Variants in SRPX observed in about 807,000 individuals in gnomAD.
SRPX encodes the protein sushi repeat-containing protein SRPX.
In SRPX, 24 loss-of-function variants were observed where a neutral mutation model predicts 38.1. The observed-to-expected ratio is 0.63, with a 90% confidence interval of 0.46 to 0.89. The LOEUF is 0.89. SRPX is among the 40% of genes least tolerant of loss of function. SRPX has a pLI of 0.00. For synonymous variants in SRPX, 184 were observed against 153.8 expected, an observed-to-expected ratio of 1.20 and a Z score of -1.45; for missense variants, 416 against 377.8, an observed-to-expected ratio of 1.10 and a Z score of -0.84.
chrX:38,198,840 TAATA>T (rs1939049405), intron 1 of SRPX, among the ~76,000 whole-genome samples: 1 of 111,462 alleles, frequency 9.0e-6, no homozygotes, highest in Non-Finnish European at 1.9e-5. Flanking sequence ...AAGCCACTCG[TAATA>T]AATATTTTAT....
chrX:38,196,985 T>C (rs1251521260), intron 1 of SRPX, among the ~76,000 whole-genome samples: 1 of 111,788 alleles, frequency 8.9e-6, no homozygotes, highest in Non-Finnish European at 1.9e-5. Flanking sequence ...CTAAGACATG[T>C]GGACATCTAA....
At chrX:38,215,989 A>G (rs1939416912) in intron 1 of SRPX, among the ~76,000 whole-genome samples, 1 of 112,288 alleles carries the variant, frequency 8.9e-6, no homozygotes, top group African/African-American at 3.2e-5. Context: ...ATATTTTCTC[A>G]TAGAATTCAT....
rs1162310676 is a variant in SRPX at position 38,154,545 on chromosome X, C to A, written c.1128G>T (p.Val376=). 8.3e-7 allele frequency: 1 copy of A among 1,206,493 alleles called. No individual in the cohort carries two copies. The highest frequency in any genetic ancestry group is 1.1e-6 in the Non-Finnish European group (1 of 893,657). The change falls in exon 9 of 10, where the codon GTG becomes GTT. Residue 376 remains valine, a synonymous_variant. Transcript: ENST00000378533. The stretch of plus-strand genomic sequence containing the variant: ...TCGGGAACACACCCACCAGCTCCAC[C>A]ACGGTGATGTGTCGAAGATCAAGGC... The part of the protein sequence containing the change: ...QCGLDLRHIT[V]VELVGVFPTL...
At chrX:38,187,338 T>C (rs1322516433) in intron 1 of SRPX, among the ~76,000 whole-genome samples, 1 of 112,187 alleles carries the variant, frequency 8.9e-6, no homozygotes, top group East Asian at 2.8e-4. Context: ...CTAACAATCC[T>C]GTATGATTTG....
At chrX:38,195,951 C>T (rs1374461573) in intron 1 of SRPX, among the ~76,000 whole-genome samples, 5 of 111,541 alleles carry the variant, frequency 4.5e-5, no homozygotes, top group Admixed American at 3.8e-4. Flanking sequence ...AAAGGATGGA[C>T]GTGAAATTAT....
chrX:38,208,977 G>A (rs1275294733), intron 1 of SRPX, among the ~76,000 whole-genome samples: 1 of 100,016 alleles, frequency 1.0e-5, no homozygotes, highest in Non-Finnish European at 2.0e-5. Context: ...GTGAGCCACT[G>A]TGCTCAGCCT....
chrX:38,163,192 A>G (rs1344610811), intron 5 of SRPX, among the ~76,000 whole-genome samples: 5 of 112,554 alleles, frequency 4.4e-5, no homozygotes, highest in East Asian at 2.8e-4. Context: ...AGAAGTTACA[A>G]TGGGAGAGCA....
intron 7 of SRPX, among the ~76,000 whole-genome samples, chrX:38,157,986 A>G (rs1938163543): frequency 8.9e-6 from 1 of 112,557 alleles, no homozygotes; most frequent in Non-Finnish European, 1.9e-5. Flanking sequence ...CAGGAAAGAA[A>G]TGCTCTCAGA....
At chrX:38,164,389 T>C (rs977017420) in intron 5 of SRPX, among the ~76,000 whole-genome samples, 1 of 112,002 alleles carries the variant, frequency 8.9e-6, no homozygotes, top group Non-Finnish European at 1.9e-5. Context: ...GTGATCCGCC[T>C]GCCTCGTCCT....
chrX:38,180,574 A>G (rs1569209262), intron 1 of SRPX, among the ~76,000 whole-genome samples: 1 of 111,885 alleles, frequency 8.9e-6, no homozygotes, highest in Non-Finnish European at 1.9e-5. Context: ...CTCACACTCA[A>G]CCTGCTCAAA....
At chrX:38,195,527 AATG>A (rs2147114576) in intron 1 of SRPX, among the ~76,000 whole-genome samples, 1 of 111,380 alleles carries the variant, frequency 9.0e-6, no homozygotes, top group South Asian at 3.8e-4. Context: ...ATTTGTTTGC[AATG>A]ATAAGAACAT....
At chrX:38,205,426 C>T (rs1490076521) in intron 1 of SRPX, among the ~76,000 whole-genome samples, 1 of 111,091 alleles carries the variant, frequency 9.0e-6, no homozygotes, top group Non-Finnish European at 1.9e-5. Flanking sequence ...TTAGAGAGTT[C>T]TTTATATATT....
intron 1 of SRPX, among the ~76,000 whole-genome samples, chrX:38,210,939 G>A (rs1233503591): frequency 8.9e-6 from 1 of 111,749 alleles, no homozygotes; most frequent in Non-Finnish European, 1.9e-5. Flanking sequence ...GCTCCCAGGT[G>A]AGGCTGGTTA....
At chrX:38,204,531 T>C (rs749326324) in intron 1 of SRPX, among the ~76,000 whole-genome samples, 6 of 112,473 alleles carry the variant, frequency 5.3e-5, no homozygotes, top group South Asian at 3.7e-4. Flanking sequence ...ACCCTGTGTG[T>C]TCTTCTCACA....
chrX:38,151,469 G>C (rs1296528226), intron 9 of SRPX, among the ~76,000 whole-genome samples: 1 of 111,544 alleles, frequency 9.0e-6, no homozygotes, highest in African/African-American at 3.3e-5. Context: ...TAAGAAATTG[G>C]AGCATTCATT....
intron 5 of SRPX, among the ~76,000 whole-genome samples, chrX:38,161,750 G>A (rs1938268536): frequency 9.0e-6 from 1 of 111,715 alleles, no homozygotes; most frequent in Non-Finnish European, 1.9e-5. Context: ...GGAAACTGAG[G>A]CACAAAAAGG....
intron 1 of SRPX, among the ~76,000 whole-genome samples, chrX:38,214,262 G>T (rs1050012629): frequency 1.4e-4 from 16 of 111,714 alleles, no homozygotes; most frequent in African/African-American, 5.2e-4. Context: ...TGCAGGGCAA[G>T]TTACCATCTC....
chrX:38,219,427 G>A (rs188503002), intron 1 of SRPX, among the ~76,000 whole-genome samples: 1 of 110,978 alleles, frequency 9.0e-6, no homozygotes, highest in East Asian at 2.8e-4. Context: ...TAAAGGGGGT[G>A]GGAGAGGAGG....
At chrX:38,176,552 G>A (rs745309683) in intron 2 of SRPX, among the ~76,000 whole-genome samples, 2 of 111,816 alleles carry the variant, frequency 1.8e-5, no homozygotes, top group East Asian at 5.7e-4. Flanking sequence ...CAGCACTTTG[G>A]GAGGCCAAGG....
Sources: allele counts gnomAD v4.1 joint callset (sites outside exome capture counted in the v4.1 genomes callset), GRCh38; gene constraint gnomAD v4.1.1; transcripts MANE v1.5; gene names NCBI Gene and HGNC (gene_info 2026-07-23, HGNC 2026-07-21).